Variants in NCOR2 observed in about 807,000 individuals in gnomAD.
NCOR2 encodes nuclear receptor corepressor 2, also known as CTG repeat protein 26.
A neutral mutation model predicts 262.9 loss-of-function variants in NCOR2; 81 were observed. The observed-to-expected ratio is 0.31, with a 90% CI of 0.26 to 0.37. The LOEUF is 0.37. NCOR2 is among the 10% of genes least tolerant of loss of function. The pLI, the probability that NCOR2 is intolerant of heterozygous loss-of-function variation, is 1.00. For missense variants in NCOR2, 3,385 were observed against 3,621.4 expected (o/e 0.93, Z 1.68); for synonymous variants, 1,659 against 1,559.3 (o/e 1.06, Z -1.51).
At chr12:124,388,884 G>C (rs933041342) in intron 16 of NCOR2, 2 of 1,026,830 alleles carry the variant, frequency 1.9e-6, no homozygotes, top group African/African-American at 3.4e-5. Context: ...GAGGGAGGGA[G>C]GGAGGGAGGG....
At position 124,490,626 on chromosome 12, in the gene NCOR2, A is replaced by ACC. The variant is rs34757790; in HGVS notation, c.106-4060_106-4059dup. Among the ~76,000 whole-genome samples, 400 of 150,152 alleles carry ACC rather than the reference A, an allele frequency of 2.7e-3. 1 individual carries two copies. Among genetic ancestry groups the ACC allele is most frequent in the Non-Finnish European group, 4.1e-3 (275 of 67,490 alleles). On this transcript the variant is annotated intron_variant, in intron 1 of 46. Coordinates refer to ENST00000405201, the Ensembl canonical transcript of NCOR2. ...AGGGGGCCATGAAGCTAATGGAGAG[A>ACC]CCCCCCCCAGGGCACTCAGGACACT... is the stretch of plus-strand genomic sequence containing the variant.
chr12:124,359,382 T>G (rs1322467066), intron 22 of NCOR2, among the ~76,000 whole-genome samples: 2 of 152,238 alleles, frequency 1.3e-5, no homozygotes, highest in Non-Finnish European at 2.9e-5. Flanking sequence ...CAATTAATGA[T>G]GCCTGCTGTG....
In NCOR2 at chr12:124,408,967, T is replaced by C. The variant is rs2042423067; in HGVS notation, c.1483-6406A>G. The stretch of plus-strand genomic sequence containing the variant: ...AAGTCAGCGGCAGCACGTTGTCACG[T>C]GGCACTGGGCACGGTGAGAGGATTT... On this transcript the variant is annotated intron_variant, in intron 13 of 46. Transcript: ENST00000405201. Among the ~76,000 whole-genome samples the C allele has an allele frequency of 2.0e-5, 3 of 152,264 alleles. No individual in the cohort carries two copies. The South Asian group carries it at 6.2e-4, about 32-fold the overall frequency.
At chr12:124,437,469 T>G (rs1404856585) in intron 8 of NCOR2, among the ~76,000 whole-genome samples, 1 of 152,202 alleles carries the variant, frequency 6.6e-6, no homozygotes, top group Non-Finnish European at 1.5e-5. Context: ...GGGGGCTCAA[T>G]GCTTGTCCAC....
chr12:124,358,608 G>A (rs1299171511), intron 22 of NCOR2, among the ~76,000 whole-genome samples: 1 of 152,188 alleles, frequency 6.6e-6, no homozygotes, highest in Non-Finnish European at 1.5e-5. Context: ...ACATTTTACA[G>A]AGGGGAAACT....
intron 17 of NCOR2, among the ~76,000 whole-genome samples, chr12:124,384,953 C>T (rs1037803764): frequency 1.3e-5 from 2 of 151,942 alleles, no homozygotes; most frequent in Admixed American, 6.5e-5. Context: ...GCAATTCAGT[C>T]GCACATGAGC....
rs1304243447 is a variant in NCOR2 at position 124,385,727 on chromosome 12, G to A, written c.2019+18C>T. 1 of 1,612,366 alleles carries A rather than the reference G, an allele frequency of 6.2e-7. No individual in the cohort carries two copies. The highest frequency in any genetic ancestry group is 8.5e-7 in the Non-Finnish European group (1 of 1,179,456). On this transcript the variant is annotated intron_variant, in intron 17 of 46. Coordinates refer to ENST00000405201, the Ensembl canonical transcript of NCOR2. ...CCCAGCTTCCCAGAGGCGCGGTGCA[G>A]CGTGACTGGGGGCTCACCATCTTCA...
intron 1 of NCOR2, among the ~76,000 whole-genome samples, chr12:124,511,618 C>T (rs373551822): frequency 1.3e-5 from 2 of 152,114 alleles, no homozygotes; most frequent in Non-Finnish European, 2.9e-5. Context: ...GAACAGCAGG[C>T]GGCAGGTGGG....
intron 1 of NCOR2, among the ~76,000 whole-genome samples, chr12:124,515,503 G>A (rs1211144898): frequency 6.6e-6 from 1 of 152,166 alleles, no homozygotes; most frequent in African/African-American, 2.4e-5. Context: ...TAACTAGGAA[G>A]GCAGCATGGA....
At chr12:124,518,306 C>T (rs1420204997) in intron 1 of NCOR2, 7 of 152,504 alleles carry the variant, frequency 4.6e-5, no homozygotes, top group African/African-American at 1.2e-4. Context: ...CAGCCAACAT[C>T]AGACCCATCC....
upstream of NCOR2, chr12:124,538,144 C>T (rs2051171357): frequency 6.6e-6 from 1 of 152,586 alleles, no homozygotes; most frequent in Admixed American, 6.5e-5. Flanking sequence ...CTTCTCCTAA[C>T]CTGCTCCCAA....
chr12:124,404,225 G>A (rs1399686236), intron 13 of NCOR2, among the ~76,000 whole-genome samples: 1 of 152,222 alleles, frequency 6.6e-6, no homozygotes, highest in Non-Finnish European at 1.5e-5. Flanking sequence ...GGAGTGATGT[G>A]GCTGGCTGGG....
intron 8 of NCOR2, among the ~76,000 whole-genome samples, chr12:124,436,639 T>C (rs1241966527): frequency 6.6e-6 from 1 of 152,168 alleles, no homozygotes; most frequent in African/African-American, 2.4e-5. Context: ...CTCCCCGGCA[T>C]CAGCCACTGG....
exon 42 of NCOR2, chr12:124,333,277 G>C: frequency 1.2e-6 from 2 of 1,600,714 alleles, no homozygotes; most frequent in Non-Finnish European, 1.7e-6. Flanking sequence ...TGGCTCTGGA[G>C]ACCTGGATGG....
chr12:124,364,452 C>T (rs2135978995), intron 20 of NCOR2, among the ~76,000 whole-genome samples: 1 of 152,368 alleles, frequency 6.6e-6, no homozygotes, highest in Middle Eastern at 3.4e-3. Flanking sequence ...AACAAGGGCC[C>T]AGGCCACAGA....
chr12:124,373,754 CAT>C (rs1566412834), intron 19 of NCOR2, among the ~76,000 whole-genome samples: 130 of 12,114 alleles, frequency 0.011, 6 homozygotes, highest in Non-Finnish European at 0.023. Context: ...AGTGGACAAT[CAT>C]GAGGCCAGTG....
rs58967881 is a variant in NCOR2, at chr12:124,325,377, G to GCCCCCCCCCCCCCC, written c.*24_*25insGGGGGGGGGGGGGG. 9.6e-5 allele frequency: 24 copies of GCCCCCCCCCCCCCC among 251,126 alleles called. 1 individual carries two copies. The highest frequency in any genetic ancestry group is 1.3e-4 in the East Asian group (2 of 15,356). The allele number at this position is 251,126 out of a possible 1,614,324, so 15.6% of individuals were successfully genotyped here. A position where few individuals can be genotyped will look rare whatever the true frequency, so the allele number is the denominator to read the frequency against. ...CTGTGGCTCGCTGGGACCTGACACC[G>GCCCCCCCCCCCCCC]CCCCCCCCCCCGCCCTGTTCTGAGT... On this transcript the variant is annotated 3_prime_UTR_variant, in exon 47 of 47. Coordinates refer to ENST00000405201, the Ensembl canonical transcript of NCOR2.
intron 27 of NCOR2, among the ~76,000 whole-genome samples, chr12:124,351,252 C>G (rs143034122): frequency 1.3e-5 from 2 of 152,266 alleles, no homozygotes; most frequent in East Asian, 3.9e-4. Context: ...TACCCGTGAC[C>G]ACGTCATGCA....
intron 13 of NCOR2, among the ~76,000 whole-genome samples, chr12:124,409,784 G>A (rs527923389): frequency 2.0e-5 from 3 of 152,134 alleles, no homozygotes; most frequent in Admixed American, 6.5e-5. Flanking sequence ...CTCAAGCAGT[G>A]CTTCCACCTC....
Sources: allele counts gnomAD v4.1 joint callset (sites outside exome capture counted in the v4.1 genomes callset), GRCh38; gene constraint gnomAD v4.1.1; transcripts MANE v1.5; gene names NCBI Gene and HGNC (gene_info 2026-07-23, HGNC 2026-07-21).